The following METTL9 variants were observed in gnomAD, a reference collection of about 807,000 sequenced individuals.
The protein encoded by METTL9 is methyltransferase 9, His-X-His N1(pi)-histidine.
A neutral mutation model predicts 36.0 loss-of-function variants in METTL9; 10 were observed. The observed-to-expected ratio is 0.28, with a 90% CI of 0.17 to 0.47. The LOEUF is 0.47. Among genes scored for constraint, METTL9 ranks in the 20% least tolerant of loss-of-function variants. The probability of loss-of-function intolerance (pLI) is 0.99; values close to 1 mark genes in which losing one functional copy is unlikely to be tolerated. For synonymous variants in METTL9, 175 were observed against 149.7 expected, an observed-to-expected ratio of 1.17 and a Z score of -1.23; for missense variants, 246 against 383.5, an observed-to-expected ratio of 0.64 and a Z score of 3.00.
upstream of METTL9, chr16:21,599,374 G>A (rs1965030415): frequency 1.8e-5 from 19 of 1,049,708 alleles, no homozygotes; most frequent in Non-Finnish European, 2.2e-5. This position sits in a 1 kb window ranked among gnomAD's most constrained non-coding sequence, Gnocchi z 4.4. Flanking sequence ...GGCAGGGCCG[G>A]GACACGAGAA....
intron 1 of METTL9, among the ~76,000 whole-genome samples, chr16:21,600,635 T>C (rs948522183): frequency 6.6e-6 from 1 of 152,130 alleles, no homozygotes; most frequent in African/African-American, 2.4e-5. Context: ...GAGTTTTAGT[T>C]ATGCATCGTG....
In METTL9 at chr16:21,630,325, A is replaced by G. The variant is rs117061539; in HGVS notation, c.751+5210A>G. Among the ~76,000 whole-genome samples the G allele has an allele frequency of 8.9e-3, 1,351 of 152,182 alleles. 48 individuals carry two copies. The highest frequency in any genetic ancestry group is 0.083 in the East Asian group (430 of 5,168). On this transcript the variant is annotated intron_variant, in intron 4 of 4. Coordinates refer to ENST00000358154, the MANE Select transcript of METTL9 (RefSeq NM_016025.5). ...GGAACCCACGCTGGCTCCCGCCTGCACCTCTCCCTTCACACCTCCCTGTGA... is the reference window on the plus strand; with the variant it reads ...GGAACCCACGCTGGCTCCCGCCTGCGCCTCTCCCTTCACACCTCCCTGTGA...
intron 1 of METTL9, among the ~76,000 whole-genome samples, chr16:21,607,887 G>A (rs949524157): frequency 3.3e-5 from 5 of 152,056 alleles, no homozygotes; most frequent in Admixed American, 2.0e-4. Flanking sequence ...AGCGGCTCAC[G>A]CCTGTAATCC....
rs537065285 is a variant in METTL9, at chr16:21,644,110, A to G, written c.752-11117A>G. ...CCTGGCTAATAATTTCAGTGATGAG[A>G]ATGTATGATGCCTTCTTCCAAAGAC... On this transcript the variant is annotated intron_variant, in intron 4 of 4. Coordinates refer to ENST00000358154, the MANE Select transcript of METTL9 (RefSeq NM_016025.5). 3.3e-5 allele frequency among the ~76,000 whole-genome samples: 5 copies of G among 152,282 alleles called. No homozygotes were observed. In the South Asian group the frequency reaches 6.2e-4, roughly 19 times the overall value.
chr16:21,612,662 A>G lies in METTL9; in HGVS notation c.183A>G (p.Arg61=). 6.5e-7 allele frequency: 1 copy of G among 1,545,824 alleles called. No homozygotes were observed. Among genetic ancestry groups the G allele is most frequent in the Non-Finnish European group, 8.7e-7 (1 of 1,153,582 alleles). ...KENHQWYVCN[R]EKLCESLQAV... is the part of the protein sequence containing the mutation. ...TTTTTTAGTGGTATGTGTGCAACAG[A>G]GAGAAATTATGCGAATCACTCCAGG... The change falls in exon 2 of 5, where the codon AGA becomes AGG. Residue 61 remains arginine (R), a synonymous_variant. Coordinates refer to ENST00000358154, the MANE Select transcript of METTL9 (RefSeq NM_016025.5).
intron 4 of METTL9, chr16:21,647,572 C>G (rs1966464634): frequency 6.7e-7 from 1 of 1,493,570 alleles, no homozygotes; most frequent in South Asian, 1.3e-5. Context: ...AGGTAGGAAA[C>G]CCAGCCATTC....
At chr16:21,646,949 C>T in intron 4 of METTL9, 1 of 751,390 alleles carries the variant, frequency 1.3e-6, no homozygotes, top group Non-Finnish European at 2.2e-6. Context: ...CCACCACGCC[C>T]AGCCAGTTGG....
intron 4 of METTL9, among the ~76,000 whole-genome samples, chr16:21,637,169 C>T (rs1252754645): frequency 2.0e-5 from 3 of 152,204 alleles, no homozygotes; most frequent in African/African-American, 7.2e-5. Context: ...ATTCCCTTAT[C>T]TGGCCCCACC....
At chr16:21,631,142 G>A (rs1412706927) in intron 4 of METTL9, among the ~76,000 whole-genome samples, 2 of 152,158 alleles carry the variant, frequency 1.3e-5, no homozygotes, top group African/African-American at 4.8e-5. Context: ...GTGTGTAATA[G>A]TAGGATAATG....
intron 1 of METTL9, 124 bp downstream of exon 1, chr16:21,600,022 C>T: frequency 1.1e-6 from 1 of 902,794 alleles, no homozygotes; most frequent in Non-Finnish European, 1.4e-6. Flanking sequence ...CGCCTCGGCC[C>T]CTTGGAAAGT....
chr16:21,598,311 T>G (rs1265842010), upstream of METTL9, among the ~76,000 whole-genome samples: 4 of 142,636 alleles, frequency 2.8e-5, no homozygotes, highest in Admixed American at 2.2e-4. Context: ...ATCGAGCCAC[T>G]GCACTCCAGC....
intron 1 of METTL9, among the ~76,000 whole-genome samples, chr16:21,600,393 A>G (rs894288556): frequency 6.6e-6 from 1 of 152,192 alleles, no homozygotes; most frequent in African/African-American, 2.4e-5. Flanking sequence ...GTAACTGTAC[A>G]TCGCAAGCCA....
At chr16:21,642,236 T>C (rs1346047793) in intron 4 of METTL9, 2 of 152,140 alleles carry the variant, frequency 1.3e-5, no homozygotes, top group African/African-American at 2.4e-5. Context: ...GCATTTGCCC[T>C]CTTGGCTGCT....
At chr16:21,603,163 A>G (rs1158234848) in intron 1 of METTL9, among the ~76,000 whole-genome samples, 5 of 148,452 alleles carry the variant, frequency 3.4e-5, no homozygotes, top group Middle Eastern at 3.4e-3. Context: ...TTTTGGAGAC[A>G]GGGTCTCACT....
chr16:21,647,457 G>A (rs776035836), intron 4 of METTL9: 1 of 1,614,042 alleles, frequency 6.2e-7, no homozygotes. Flanking sequence ...AGGTACCACG[G>A]TTGTGTGACA....
chr16:21,599,566 G>C, upstream of METTL9: 5 of 1,284,380 alleles, frequency 3.9e-6, no homozygotes, highest in Non-Finnish European at 4.9e-6. The surrounding 1 kb of genome is among the most constrained non-coding windows in gnomAD (Gnocchi z 4.4). Context: ...GAGGCTGCGC[G>C]CCGGCTGCTC....
upstream of METTL9, among the ~76,000 whole-genome samples, chr16:21,598,530 T>A (rs1020464189): frequency 6.6e-6 from 1 of 152,140 alleles, no homozygotes; most frequent in Admixed American, 6.5e-5. Context: ...TGCAGTTAAA[T>A]TAAAAGCACT....
At chr16:21,599,181 G>A (rs183944740), upstream of METTL9, among the ~76,000 whole-genome samples, 5 of 152,190 alleles carry the variant, frequency 3.3e-5, no homozygotes, top group African/African-American at 9.6e-5. The surrounding 1 kb of genome is among the most constrained non-coding windows in gnomAD (Gnocchi z 4.4). Context: ...CCGTGGAGTG[G>A]GATGAGGGTC....
intron 1 of METTL9, among the ~76,000 whole-genome samples, chr16:21,606,432 G>A (rs1028783153): frequency 6.6e-6 from 1 of 152,052 alleles, no homozygotes; most frequent in Admixed American, 6.5e-5. Flanking sequence ...GGTGCATAGG[G>A]TGAGGTGTGG....
Sources: gnomAD v4.1 joint callset for allele counts (sites outside exome capture counted in the v4.1 genomes callset) on GRCh38, gnomAD v4.1.1 for gene constraint, Gnocchi (gnomAD v3.1) non-coding constraint, MANE v1.5 for transcripts, NCBI Gene and HGNC (gene_info 2026-07-23, HGNC 2026-07-21) for gene names.